KLK5: variants seen among roughly 807,000 people sequenced by gnomAD.
The protein encoded by KLK5 is kallikrein related peptidase 5, also known as kallikrein-5.
Under a neutral mutation model 24.0 loss-of-function variants are expected in KLK5, and 18 were observed. The observed-to-expected ratio is 0.75, with a 90% confidence interval of 0.52 to 1.11. KLK5 has a LOEUF of 1.11. Ranked by LOEUF, KLK5 falls within the 50% of genes most tolerant of loss-of-function variation. The pLI is 0.00. For missense variants in KLK5, 374 were observed against 379.2 expected (o/e 0.99, Z 0.11); for synonymous variants, 140 against 154.0 (o/e 0.91, Z 0.67).
rs1055632201 is a variant in KLK5, at chr19:50,947,686, A to AT, written c.726+953dup. ...GATTTCTCTTTTCCTTCCTCAAGAT[A>AT]TTTTACCAGCACTTGCTAGAAAACT... On this transcript the variant is annotated intron_variant, in intron 5 of 5. Transcript: ENST00000336334. The surrounding 1 kb of genome is among the most constrained non-coding windows in gnomAD (Gnocchi z 8.7). Among the ~76,000 whole-genome samples the AT allele has an allele frequency of 1.3e-5, 2 of 152,094 alleles. No individual in the cohort carries two copies.
Position 50,943,580 on chromosome 19 carries a change from G to A in KLK5, c.*51C>T. On this transcript the variant is annotated 3_prime_UTR_variant, in exon 6 of 6. Coordinates refer to ENST00000336334, the MANE Select transcript of KLK5 (RefSeq NM_012427.5). ...AATGAGGGTCTGAAAGGAGTGTCAG[G>A]GCTGTCCCTGCAGCAGGTGGGGATG... 1.3e-6 allele frequency: 2 copies of A among 1,546,186 alleles called. No individual in the cohort carries two copies. The highest frequency in any genetic ancestry group is 1.8e-6 in the Non-Finnish European group (2 of 1,123,794).
intron 2 of KLK5, among the ~76,000 whole-genome samples, chr19:50,951,438 A>AT (rs1037225597): frequency 1.3e-5 from 2 of 151,716 alleles, no homozygotes; most frequent in African/African-American, 4.8e-5. Context: ...ACACCAGCTA[A>AT]TTTTTTGTAT....
chr19:50,946,854 C>T (rs751583633), intron 5 of KLK5, among the ~76,000 whole-genome samples: 26 of 152,272 alleles, frequency 1.7e-4, no homozygotes, highest in South Asian at 4.1e-4. Context: ...CCACCACGCC[C>T]GGCCGAGATG....
In KLK5 at chr19:50,948,714, C is replaced by T. The variant is rs374835129; in HGVS notation, c.652G>A (p.Glu218Lys). 47 of 1,614,012 alleles carry T rather than the reference C, an allele frequency of 2.9e-5. No individual in the cohort carries two copies. Among genetic ancestry groups the T allele is most frequent in the South Asian group, 8.8e-5 (8 of 91,080 alleles). The change falls in exon 5 of 6, where the codon GAG (glutamate) becomes AAG (lysine). Residue 218 changes from glutamate to lysine, a missense_variant. Glu to Lys is a moderately conservative substitution (Grantham distance 56, BLOSUM62 1). Transcript: ENST00000336334. ...NISVLSQKRC[E>K]DAYPRQIDDT... ...TCTATCTGTCTCGGGTAAGCATCCTCGCACCTTTTCTGACTTAGCACGCTG... is the reference window on the plus strand; with the variant it reads ...TCTATCTGTCTCGGGTAAGCATCCTTGCACCTTTTCTGACTTAGCACGCTG...
intron 2 of KLK5, 83 bp from the exon 3 acceptor site, chr19:50,950,199 G>C: frequency 1.4e-6 from 2 of 1,385,846 alleles, no homozygotes; most frequent in Non-Finnish European, 2.0e-6. Flanking sequence ...GGCCAGACCA[G>C]CTAGAGGGTG....
chr19:50,949,764 C>T (rs2090667765), intron 3 of KLK5, 91 bp downstream of exon 3: 3 of 900,624 alleles, frequency 3.3e-6, no homozygotes, highest in Non-Finnish European at 4.7e-6. Flanking sequence ...CCCCACCAGC[C>T]CTCACCTCCA....
At chr19:50,952,090 A>G (rs1417344721) in intron 2 of KLK5, among the ~76,000 whole-genome samples, 1 of 129,090 alleles carries the variant, frequency 7.7e-6, no homozygotes, top group Non-Finnish European at 1.7e-5. Context: ...CTCAGCCACA[A>G]TCACATAATC....
intron 3 of KLK5, 41 bp downstream of exon 3, chr19:50,949,814 T>G: frequency 3.3e-6 from 1 of 303,766 alleles, no homozygotes; most frequent in Non-Finnish European, 5.5e-6. Flanking sequence ...CACCCCCACT[T>G]CCCCGTCCCC....
intron 5 of KLK5, among the ~76,000 whole-genome samples, chr19:50,945,749 C>T (rs949054125): frequency 2.1e-5 from 3 of 143,388 alleles, no homozygotes; most frequent in Admixed American, 1.5e-4. Context: ...TGATATGGTG[C>T]CATTGCACTC....
chr19:50,948,122 G>GT (rs35017505), intron 5 of KLK5, among the ~76,000 whole-genome samples: 15,538 of 146,948 alleles, frequency 0.11, 879 homozygotes, highest in Middle Eastern at 0.18. Context: ...TTTTTTACTT[G>GT]TTTTTTTTTT....
Position 50,947,216 on chromosome 19 carries a change from G to C in KLK5, c.726+1424C>G, listed in dbSNP as rs983921736. On this transcript the variant is annotated intron_variant, in intron 5 of 5. Transcript: ENST00000336334. This position sits in a 1 kb window ranked among gnomAD's most constrained non-coding sequence, Gnocchi z 8.7. ...AGGGAAGCTCTGTGTTGGTGACCAAGAAATACTTGCAGAGCATTCGCCCCT... is the reference window on the plus strand; with the variant it reads ...AGGGAAGCTCTGTGTTGGTGACCAACAAATACTTGCAGAGCATTCGCCCCT... 6.6e-6 allele frequency among the ~76,000 whole-genome samples: 1 copy of C among 152,218 alleles called. No homozygotes were observed. Among genetic ancestry groups the C allele is most frequent in the Non-Finnish European group, 1.5e-5 (1 of 68,044 alleles).
At chr19:50,949,753 T>TCCCC in intron 3 of KLK5, 102 bp downstream of exon 3, 4 of 403,256 alleles carry the variant, frequency 9.9e-6, no homozygotes, top group South Asian at 8.0e-5. Flanking sequence ...CACTTCCCCG[T>TCCCC]CCCCACCAGC....
At position 50,952,624 on chromosome 19, in the gene KLK5, GCACC is replaced by G. The variant is rs1450654613; in HGVS notation, c.30_33del (p.Trp10CysfsTer5). 19 of 1,605,810 alleles carry G rather than the reference GCACC, an allele frequency of 1.2e-5. No individual in the cohort carries two copies. The highest frequency in any genetic ancestry group is 1.6e-5 in the Non-Finnish European group (19 of 1,176,210). On this transcript the variant is annotated frameshift_variant, in exon 2 of 6. Transcript: ENST00000336334. LOFTEE classifies it high-confidence loss of function. ...AGCAAGGCTGTGATCAGAGCACAGA[GCACC>G]CACATCCAGGGGGGTCTTGCTGTAG... is the stretch of plus-strand genomic sequence containing the variant.
intron 2 of KLK5, among the ~76,000 whole-genome samples, chr19:50,951,806 C>T (rs1568530338): frequency 1.3e-5 from 2 of 152,146 alleles, no homozygotes; most frequent in African/African-American, 2.4e-5. Flanking sequence ...GCACAGATGC[C>T]GTGTGTGCAC....
At chr19:50,952,691 T>C in intron 1 of KLK5, 23 bp from the exon 2 acceptor site, 2 of 1,551,220 alleles carry the variant, frequency 1.3e-6, no homozygotes, top group African/African-American at 1.4e-5. Context: ...TGTCAGAGGG[T>C]TGGGAGGCCC....
intron 2 of KLK5, chr19:50,950,448 G>A: frequency 2.4e-6 from 1 of 410,770 alleles, no homozygotes; most frequent in East Asian, 4.9e-5. Context: ...CTGGGGATGG[G>A]AGGGAGACCA....
Position 50,947,022 on chromosome 19 carries a change from C to A in KLK5, c.726+1618G>T, listed in dbSNP as rs1434089711. On this transcript the variant is annotated intron_variant, in intron 5 of 5. Coordinates refer to ENST00000336334, the MANE Select transcript of KLK5 (RefSeq NM_012427.5). The surrounding 1 kb of genome is among the most constrained non-coding windows in gnomAD (Gnocchi z 8.7). Reference sequence around the variant, plus strand: ...CCATGGGACTGGAGTACTCCTGAATCCCCAGCTTCCTAACTACTGTTGAAA... The same window carrying A: ...CCATGGGACTGGAGTACTCCTGAATACCCAGCTTCCTAACTACTGTTGAAA... Among the ~76,000 whole-genome samples, 3 of 151,744 alleles carry A rather than the reference C, an allele frequency of 2.0e-5. No homozygotes were observed. The highest frequency in any genetic ancestry group is 4.4e-5 in the Non-Finnish European group (3 of 67,968).
intron 3 of KLK5, 26 bp downstream of exon 3, chr19:50,949,827 CAA>C (rs1459037108): frequency 7.3e-7 from 1 of 1,375,086 alleles, no homozygotes. Context: ...CCGTCCCCAC[CAA>C]CCCTCCTCTT....
chr19:50,944,569 A>G (rs1261038938), intron 5 of KLK5, among the ~76,000 whole-genome samples: 2 of 151,550 alleles, frequency 1.3e-5, no homozygotes, highest in East Asian at 3.9e-4. Context: ...CCACCAACCC[A>G]TCCTTATACC....
Sources: gnomAD v4.1 joint callset for allele counts (sites outside exome capture counted in the v4.1 genomes callset) on GRCh38, gnomAD v4.1.1 for gene constraint, Gnocchi (gnomAD v3.1) non-coding constraint, MANE v1.5 for transcripts, NCBI Gene and HGNC (gene_info 2026-07-23, HGNC 2026-07-21) for gene names.